The following SLC14A2 variants were observed in gnomAD, a reference collection of about 807,000 sequenced individuals.
SLC14A2 encodes solute carrier family 14 member 2.
SLC14A2 carries 91 observed loss-of-function variants against 104.6 expected under a neutral mutation model. The observed-to-expected ratio is 0.87, with a 90% CI of 0.73 to 1.04. The LOEUF is 1.04. Ranked by LOEUF, SLC14A2 falls within the 50% of genes least tolerant of loss-of-function variation. The pLI, the probability that SLC14A2 is intolerant of heterozygous loss-of-function variation, is 0.00. For missense variants in SLC14A2, 1,189 were observed against 1,156.0 expected (o/e 1.03, Z -0.41); for synonymous variants, 476 against 466.4 (o/e 1.02, Z -0.27).
chr18:45,339,531 C>T (rs571616087), intron 1 of SLC14A2, among the ~76,000 whole-genome samples: 5 of 152,286 alleles, frequency 3.3e-5, no homozygotes, highest in East Asian at 3.9e-4. Flanking sequence ...CATCAATCAC[C>T]TCTAGGGTAT....
At chr18:45,655,169 A>G (rs1045281983) in intron 10 of SLC14A2, among the ~76,000 whole-genome samples, 11 of 152,186 alleles carry the variant, frequency 7.2e-5, no homozygotes, top group Non-Finnish European at 1.5e-4. Flanking sequence ...TACTCAGATT[A>G]CTGTAGACCT....
At chr18:45,252,973 A>G (rs1568122062) in intron 1 of SLC14A2, among the ~76,000 whole-genome samples, 2 of 152,316 alleles carry the variant, frequency 1.3e-5, no homozygotes, top group South Asian at 4.1e-4. Flanking sequence ...AAGGACAGCT[A>G]TTCAAAAAAG....
At chr18:45,401,324 A>G (rs1051023752) in intron 1 of SLC14A2, among the ~76,000 whole-genome samples, 18 of 152,240 alleles carry the variant, frequency 1.2e-4, no homozygotes, top group African/African-American at 3.9e-4. Context: ...ACCCAAAACA[A>G]TAGGTGCCAT....
chr18:45,199,356 T>C, the SLC14A2 span, among the ~76,000 whole-genome samples: 1 of 152,196 alleles, frequency 6.6e-6, no homozygotes, highest in Non-Finnish European at 1.5e-5. Flanking sequence ...CTTCTAAAAT[T>C]CTTATCAGAC....
chr18:45,375,866 C>T (rs1423908274), intron 1 of SLC14A2, among the ~76,000 whole-genome samples: 1 of 152,212 alleles, frequency 6.6e-6, no homozygotes, highest in East Asian at 1.9e-4. Context: ...CTCCTTCTCC[C>T]CTTCCCTAGA....
At chr18:45,542,077 T>TTTTTTTTTTA (rs1568268382) in intron 2 of SLC14A2, 1 of 135,896 alleles carries the variant, frequency 7.4e-6, no homozygotes, top group African/African-American at 2.9e-5. Context: ...TTTTTTGCTT[T>TTTTTTTTTTA]TGAGTTTCCT....
intron 10 of SLC14A2, among the ~76,000 whole-genome samples, chr18:45,650,168 C>T (rs2045706073): frequency 4.8e-5 from 1 of 20,942 alleles, no homozygotes; most frequent in Non-Finnish European, 1.4e-4. Context: ...TTCCATTTGA[C>T]CTTCCATTTG....
At chr18:45,274,881 G>T (rs1042550937) in intron 1 of SLC14A2, among the ~76,000 whole-genome samples, 2 of 152,182 alleles carry the variant, frequency 1.3e-5, no homozygotes, top group African/African-American at 4.8e-5. Context: ...CTCAAGCAGA[G>T]CTCTTCCAGA....
chr18:45,660,184 A>G (rs2045915690), intron 10 of SLC14A2, among the ~76,000 whole-genome samples: 1 of 152,208 alleles, frequency 6.6e-6, no homozygotes, highest in Admixed American at 6.5e-5. Flanking sequence ...TGTGTTCAAC[A>G]AACTACAGTA....
intron 1 of SLC14A2, among the ~76,000 whole-genome samples, chr18:45,414,307 A>T (rs950875803): frequency 6.6e-6 from 1 of 152,188 alleles, no homozygotes; most frequent in Non-Finnish European, 1.5e-5. Flanking sequence ...CTAAAACCTC[A>T]CCTTGGGTGA....
At chr18:45,277,819 A>C (rs981219406) in intron 1 of SLC14A2, among the ~76,000 whole-genome samples, 2 of 152,274 alleles carry the variant, frequency 1.3e-5, no homozygotes, top group Non-Finnish European at 2.9e-5. Flanking sequence ...AAAAATGTGC[A>C]GAGAACAAAA....
intron 1 of SLC14A2, among the ~76,000 whole-genome samples, chr18:45,225,884 T>A (rs2144006697): frequency 6.6e-6 from 1 of 152,236 alleles, no homozygotes; most frequent in South Asian, 2.1e-4. Context: ...TTAAGGAGAT[T>A]TTGGGCTGAG....
rs147722325 is a variant in SLC14A2 at position 45,624,751 on chromosome 18, C to A, written c.87C>A (p.Ser29Arg). 87 of 1,613,340 alleles carry A rather than the reference C, an allele frequency of 5.4e-5. 1 individual carries two copies. Among genetic ancestry groups the A allele is most frequent in the Non-Finnish European group, 7.4e-5 (87 of 1,179,752 alleles). ...ACGAGGCAGAGTTTACCAGCCCGAG[C>A]TGGCCCTCGACATCCCCGGATACTC... The part of the protein sequence containing the change: ...KLYEAEFTSP[S>R]WPSTSPDTHP... Residue 29 changes from serine (S) to arginine (R), a missense_variant, in exon 2 of 20, where the codon AGC becomes AGA. Coordinates refer to ENST00000255226, the MANE Select transcript of SLC14A2 (RefSeq NM_007163.4).
At chr18:45,580,098 G>C (rs529252230) in intron 2 of SLC14A2, among the ~76,000 whole-genome samples, 1 of 152,154 alleles carries the variant, frequency 6.6e-6, no homozygotes, top group Non-Finnish European at 1.5e-5. Flanking sequence ...CAATCCTTAC[G>C]CAAAGCCACG....
At chr18:45,316,884 G>C (rs1025580364) in intron 1 of SLC14A2, among the ~76,000 whole-genome samples, 4 of 152,184 alleles carry the variant, frequency 2.6e-5, no homozygotes, top group African/African-American at 9.7e-5. Flanking sequence ...TCCTCCCAAG[G>C]GTGAGCTAGT....
intron 1 of SLC14A2, among the ~76,000 whole-genome samples, chr18:45,308,107 A>C (rs765805837): frequency 6.6e-6 from 1 of 152,184 alleles, no homozygotes; most frequent in African/African-American, 2.4e-5. Flanking sequence ...GCACCAAGCC[A>C]TTCATGAGGG....
chr18:45,666,096 G>T lies in SLC14A2; in HGVS notation c.1475-41G>T, dbSNP rs923307007. 2.9e-6 allele frequency: 4 copies of T among 1,363,114 alleles called. No individual in the cohort carries two copies. The African/African-American group carries it at 5.7e-5, about 19-fold the overall frequency. 84.4% of individuals were successfully genotyped at this position (1,363,114 alleles called of 1,614,324 possible). Reference sequence around the variant, plus strand: ...CATTAGCTTCTGAGGTGCCAGAGTAGAGGTGTCCTAACTGATGGTGCTCTT... The same window carrying T: ...CATTAGCTTCTGAGGTGCCAGAGTATAGGTGTCCTAACTGATGGTGCTCTT... On this transcript the variant is annotated intron_variant, in intron 11 of 19. Transcript: ENST00000255226.
rs140457327 is a variant in SLC14A2, at chr18:45,665,168, C to A, written c.1475-969C>A. On this transcript the variant is annotated intron_variant, in intron 11 of 19. Transcript: ENST00000255226. ...TCCCTTCAGAAGTGGGAACACAGTG[C>A]CTTCGATGCATCCCTTCTAGTGTTT... Among the ~76,000 whole-genome samples, 999 of 152,270 alleles carry A rather than the reference C, an allele frequency of 6.6e-3. 12 individuals are homozygous for A. Among genetic ancestry groups the A allele is most frequent in the Non-Finnish European group, 5.7e-3 (388 of 68,028 alleles).
At chr18:45,431,669 G>A (rs866343881) in intron 1 of SLC14A2, among the ~76,000 whole-genome samples, 1 of 152,170 alleles carries the variant, frequency 6.6e-6, no homozygotes, top group African/African-American at 2.4e-5. Flanking sequence ...GAGGTCATGG[G>A]CACAATAATG....
Sources: allele counts gnomAD v4.1 joint callset (sites outside exome capture counted in the v4.1 genomes callset), GRCh38; gene constraint gnomAD v4.1.1; transcripts MANE v1.5; gene names NCBI Gene and HGNC (gene_info 2026-07-23, HGNC 2026-07-21).